The following METTL15 variants were observed in gnomAD, a reference collection of about 807,000 sequenced individuals.
The protein encoded by METTL15 is 12S rRNA N(4)-cytidine methyltransferase METTL15.
A neutral mutation model predicts 38.3 loss-of-function variants in METTL15; 34 were observed. That is an observed-to-expected ratio of 0.89 (90% CI 0.68 to 1.18). The LOEUF is 1.18. Ranked by LOEUF, METTL15 falls within the 50% of genes most tolerant of loss-of-function variation. The probability of loss-of-function intolerance (pLI) is 0.00; values close to 1 mark genes in which losing one functional copy is unlikely to be tolerated. For synonymous variants in METTL15, 162 were observed against 170.9 expected (o/e 0.95, Z 0.41); for missense variants, 438 against 498.4 (o/e 0.88, Z 1.15).
intron 3 of METTL15, among the ~76,000 whole-genome samples, chr11:28,118,912 A>G (rs1336963411): frequency 6.6e-6 from 1 of 152,248 alleles, no homozygotes; most frequent in African/African-American, 2.4e-5. Flanking sequence ...CCCAATAAAC[A>G]TTAGCTGTTA....
At chr11:28,518,267 G>T (rs750413659) in intron 6 of METTL15, among the ~76,000 whole-genome samples, 3 of 152,220 alleles carry the variant, frequency 2.0e-5, no homozygotes, top group Non-Finnish European at 4.4e-5. Flanking sequence ...GTGGCACTGT[G>T]AGAAAGAAAG....
intron 6 of METTL15, among the ~76,000 whole-genome samples, chr11:28,446,094 T>C (rs1851072838): frequency 6.6e-6 from 1 of 152,142 alleles, no homozygotes; most frequent in Non-Finnish European, 1.5e-5. Context: ...ATTCTCGATA[T>C]AGCAGGATAT....
chr11:28,501,826 G>T (rs1053297191), intron 6 of METTL15, among the ~76,000 whole-genome samples: 5 of 152,122 alleles, frequency 3.3e-5, no homozygotes, highest in African/African-American at 1.2e-4. Flanking sequence ...TCGGCCAGGC[G>T]CGGTGGCTCA....
intron 6 of METTL15, among the ~76,000 whole-genome samples, chr11:28,478,949 C>A (rs1184577090): frequency 6.6e-6 from 1 of 151,908 alleles, no homozygotes; most frequent in Non-Finnish European, 1.5e-5. Flanking sequence ...GGTTAAGGTG[C>A]AGATTGATGT....
rs534273214 is a variant in METTL15 at position 28,303,783 on chromosome 11, CTG to C, written c.778+6854_778+6855del. 5.0e-3 allele frequency among the ~76,000 whole-genome samples: 763 copies of C among 152,266 alleles called. 1 individual carries two copies. The highest frequency in any genetic ancestry group is 6.8e-3 in the Middle Eastern group (2 of 294). ...GTTCTTAGGTGTTACTGAGGATAAA[CTG>C]TACTTTTTCCGTCATGTTGAAGAGG... is the stretch of plus-strand genomic sequence containing the variant. On this transcript the variant is annotated intron_variant, in intron 6 of 6. Transcript: ENST00000407364.
chr11:28,136,296 C>A (rs1316752545), intron 3 of METTL15, among the ~76,000 whole-genome samples: 2 of 152,128 alleles, frequency 1.3e-5, no homozygotes, highest in African/African-American at 2.4e-5. Flanking sequence ...TTTCCCTATA[C>A]TGTTCTCATA....
At chr11:28,415,494 T>G (rs906442354) in intron 5 of METTL15, among the ~76,000 whole-genome samples, 4 of 152,236 alleles carry the variant, frequency 2.6e-5, no homozygotes, top group African/African-American at 9.6e-5. Context: ...ACACATTATC[T>G]TATTCAATCA....
intron 3 of METTL15, among the ~76,000 whole-genome samples, chr11:28,161,683 A>G (rs1850470909): frequency 6.6e-6 from 1 of 152,132 alleles, no homozygotes; most frequent in Non-Finnish European, 1.5e-5. Flanking sequence ...GGGTGATATA[A>G]TGAAAATTGA....
At chr11:28,394,496 T>C (rs1445887755) in intron 5 of METTL15, among the ~76,000 whole-genome samples, 3 of 152,076 alleles carry the variant, frequency 2.0e-5, no homozygotes, top group African/African-American at 7.2e-5. Context: ...GGGGTGGAAG[T>C]TATAAAAAGG....
intron 4 of METTL15, among the ~76,000 whole-genome samples, chr11:28,256,605 A>C (rs1482979712): frequency 6.6e-6 from 1 of 151,862 alleles, no homozygotes; most frequent in Admixed American, 6.6e-5. Flanking sequence ...TTTTTGGTTA[A>C]TCTGGCTGAA....
At chr11:28,455,971 G>T (rs1427059143) in intron 6 of METTL15, among the ~76,000 whole-genome samples, 2 of 152,156 alleles carry the variant, frequency 1.3e-5, no homozygotes, top group Non-Finnish European at 2.9e-5. Flanking sequence ...CTCCCAAAGT[G>T]CTGGGATTAC....
chr11:28,277,414 T>A (rs764397342), intron 4 of METTL15, among the ~76,000 whole-genome samples: 13 of 152,100 alleles, frequency 8.5e-5, no homozygotes, highest in Non-Finnish European at 1.9e-4. Flanking sequence ...AAGAATGAAA[T>A]TGGCCAGTCA....
chr11:28,465,193 C>A (rs1269356950), intron 6 of METTL15, among the ~76,000 whole-genome samples: 1 of 152,082 alleles, frequency 6.6e-6, no homozygotes, highest in Admixed American at 6.5e-5. Context: ...ACGGTAATGA[C>A]CACTTCCCTC....
intron 6 of METTL15, among the ~76,000 whole-genome samples, chr11:28,500,659 A>C (rs1252235501): frequency 6.6e-6 from 1 of 151,926 alleles, no homozygotes; most frequent in Non-Finnish European, 1.5e-5. Context: ...GAAAACTGGG[A>C]CTATAGGCAT....
chr11:28,109,956 A>T (rs142385370), intron 1 of METTL15, among the ~76,000 whole-genome samples: 104 of 152,354 alleles, frequency 6.8e-4, no homozygotes, highest in African/African-American at 2.3e-3. Flanking sequence ...AGCTAATGAG[A>T]CAGAAATTCC....
chr11:28,425,970 G>T (rs371568252), intron 6 of METTL15, among the ~76,000 whole-genome samples: 1 of 152,072 alleles, frequency 6.6e-6, no homozygotes, highest in Admixed American at 6.5e-5. Context: ...AAGTTCAGGG[G>T]TACATGTGCA....
intron 4 of METTL15, among the ~76,000 whole-genome samples, chr11:28,235,901 G>C (rs1853939854): frequency 6.6e-6 from 1 of 152,042 alleles, no homozygotes; most frequent in Non-Finnish European, 1.5e-5. Context: ...CAAAGGGAAT[G>C]CTTCCAGTTT....
intron 6 of METTL15, among the ~76,000 whole-genome samples, chr11:28,480,464 T>C (rs1026688061): frequency 6.6e-6 from 1 of 152,208 alleles, no homozygotes; most frequent in African/African-American, 2.4e-5. Context: ...TGTTAAACTA[T>C]AAATCTATAT....
At chr11:28,501,908 G>A (rs1851586468) in intron 6 of METTL15, among the ~76,000 whole-genome samples, 1 of 152,056 alleles carries the variant, frequency 6.6e-6, no homozygotes, top group South Asian at 2.1e-4. Context: ...GACTATCCTG[G>A]CTAGCGTGGT....
Sources: gnomAD v4.1 joint callset for allele counts (sites outside exome capture counted in the v4.1 genomes callset) on GRCh38, gnomAD v4.1.1 for gene constraint, MANE v1.5 for transcripts, NCBI Gene and HGNC (gene_info 2026-07-23, HGNC 2026-07-21) for gene names.